NCAM1: variants seen among roughly 807,000 people sequenced by gnomAD.
NCAM1 encodes antigen recognized by monoclonal antibody 5.1H11.
NCAM1 carries 14 observed loss-of-function variants against 109.8 expected under a neutral mutation model. The ratio of observed to expected loss-of-function variants is 0.13; its 90% CI spans 0.08 to 0.20. The LOEUF (loss-of-function observed/expected upper bound fraction) is 0.20, where lower values mean the gene tolerates loss of function less well. NCAM1 is among the 10% of genes least tolerant of loss of function. The pLI, the probability that NCAM1 is intolerant of heterozygous loss-of-function variation, is 1.00. For missense variants in NCAM1, 774 were observed against 1,109.9 expected, an observed-to-expected ratio of 0.70 and a Z score of 4.30; for synonymous variants, 418 against 442.9, an observed-to-expected ratio of 0.94 and a Z score of 0.70.
At chr11:112,979,973 A>G (rs1475468191) in intron 1 of NCAM1, among the ~76,000 whole-genome samples, 1 of 151,932 alleles carries the variant, frequency 6.6e-6, no homozygotes, top group South Asian at 2.1e-4. Flanking sequence ...ACACCCCTTC[A>G]GGATGAAAAC....
At chr11:113,179,366 G>T (rs1343521912) in intron 1 of NCAM1, among the ~76,000 whole-genome samples, 2 of 152,186 alleles carry the variant, frequency 1.3e-5, no homozygotes, top group Non-Finnish European at 2.9e-5. Context: ...CATTTTCAGG[G>T]TTTGTTTAAG....
intron 1 of NCAM1, among the ~76,000 whole-genome samples, chr11:113,200,396 T>A (rs1555111632): frequency 6.6e-6 from 1 of 152,224 alleles, no homozygotes; most frequent in East Asian, 1.9e-4. Flanking sequence ...GATGGGCCCT[T>A]ATCAATTCAT....
chr11:112,991,530 T>C (rs1951457825), intron 1 of NCAM1, among the ~76,000 whole-genome samples: 2 of 151,606 alleles, frequency 1.3e-5, no homozygotes, highest in Non-Finnish European at 2.9e-5. Context: ...TGATTGGAGC[T>C]GGCAGGTATT....
chr11:113,159,857 T>G, intron 1 of NCAM1, among the ~76,000 whole-genome samples: 1 of 89,460 alleles, frequency 1.1e-5, no homozygotes, highest in East Asian at 4.0e-4. Flanking sequence ...CCCTCCCCCC[T>G]CCCCCCACCC....
intron 1 of NCAM1, among the ~76,000 whole-genome samples, chr11:113,022,076 C>T (rs1447745351): frequency 3.9e-5 from 6 of 152,076 alleles, no homozygotes; most frequent in Non-Finnish European, 8.8e-5. Flanking sequence ...GGTGTTAGTC[C>T]ACCCACCCTA....
At chr11:113,208,269 G>C (rs1944296704) in intron 7 of NCAM1, among the ~76,000 whole-genome samples, 1 of 152,138 alleles carries the variant, frequency 6.6e-6, no homozygotes, top group Admixed American at 6.5e-5. Context: ...AATGACCTAA[G>C]TACCACTCAT....
intron 1 of NCAM1, among the ~76,000 whole-genome samples, chr11:112,971,182 A>T (rs562001010): frequency 6.6e-6 from 1 of 151,688 alleles, no homozygotes; most frequent in Admixed American, 6.6e-5. Flanking sequence ...GGAAAAAGAG[A>T]GTGTGTTTTA....
At chr11:113,271,118 C>G (rs1176627408) in intron 18 of NCAM1, among the ~76,000 whole-genome samples, 4 of 151,804 alleles carry the variant, frequency 2.6e-5, no homozygotes, top group African/African-American at 9.7e-5. Context: ...GCCTGTAATC[C>G]CAGCACTTTG....
At chr11:113,227,248 A>G (rs1944878950) in intron 9 of NCAM1, among the ~76,000 whole-genome samples, 1 of 152,174 alleles carries the variant, frequency 6.6e-6, no homozygotes, top group Admixed American at 6.5e-5. Flanking sequence ...GATAAAGGGG[A>G]TATCACCACT....
At chr11:113,069,620 G>C (rs1555084895) in intron 1 of NCAM1, among the ~76,000 whole-genome samples, 1 of 152,174 alleles carries the variant, frequency 6.6e-6, no homozygotes, top group Non-Finnish European at 1.5e-5. Flanking sequence ...TTAGGAAAAA[G>C]AGGCAGGTGC....
intron 1 of NCAM1, among the ~76,000 whole-genome samples, chr11:112,995,493 T>G (rs1951568743): frequency 6.6e-6 from 1 of 152,212 alleles, no homozygotes; most frequent in South Asian, 2.1e-4. Context: ...AACAGTACTT[T>G]TTACACTATA....
At chr11:113,224,629 T>G (rs1337909274) in intron 9 of NCAM1, among the ~76,000 whole-genome samples, 8 of 152,190 alleles carry the variant, frequency 5.3e-5, no homozygotes, top group Non-Finnish European at 1.0e-4. Context: ...ACGGACAGAC[T>G]GCCTCCTCAA....
intron 1 of NCAM1, among the ~76,000 whole-genome samples, chr11:113,002,870 G>T (rs565931312): frequency 6.6e-6 from 1 of 152,286 alleles, no homozygotes; most frequent in Admixed American, 6.5e-5. Flanking sequence ...TTTACATACT[G>T]CTTTTAATAA....
intron 1 of NCAM1, among the ~76,000 whole-genome samples, chr11:113,043,208 G>A (rs781943146): frequency 1.4e-4 from 21 of 152,118 alleles, no homozygotes; most frequent in Non-Finnish European, 2.6e-4. Flanking sequence ...TTCATCCTGT[G>A]GGTGCCATGA....
chr11:113,192,204 C>A (rs1050852592), intron 1 of NCAM1, among the ~76,000 whole-genome samples: 13 of 152,254 alleles, frequency 8.5e-5, no homozygotes, highest in Admixed American at 1.3e-4. Context: ...AAGAAAACAT[C>A]GTCTGGAGCC....
At chr11:113,099,678 T>G (rs1476322229) in intron 1 of NCAM1, among the ~76,000 whole-genome samples, 1 of 152,164 alleles carries the variant, frequency 6.6e-6, no homozygotes, top group African/African-American at 2.4e-5. Flanking sequence ...GGGCTTTTTA[T>G]GTATTTATTT....
intron 17 of NCAM1, among the ~76,000 whole-genome samples, chr11:113,267,543 C>T (rs568371821): frequency 6.0e-4 from 91 of 152,120 alleles, no homozygotes; most frequent in African/African-American, 2.1e-3. Flanking sequence ...ATCATCAAGG[C>T]CCTAAAGCGG....
At chr11:113,132,076 G>A (rs1016439230) in intron 1 of NCAM1, among the ~76,000 whole-genome samples, 3 of 152,094 alleles carry the variant, frequency 2.0e-5, no homozygotes, top group Admixed American at 6.5e-5. Flanking sequence ...GTAAAGAAAC[G>A]CACATCCTCT....
chr11:113,042,225 C>T (rs2155645), intron 1 of NCAM1, among the ~76,000 whole-genome samples: 38,698 of 152,034 alleles, frequency 0.25, 5,219 homozygotes, highest in South Asian at 0.46. Flanking sequence ...TTTGTCCTTC[C>T]TTTCCTCACC....
Sources: gnomAD v4.1 joint callset for allele counts (sites outside exome capture counted in the v4.1 genomes callset) on GRCh38, gnomAD v4.1.1 for gene constraint, MANE v1.5 for transcripts, NCBI Gene and HGNC (gene_info 2026-07-23, HGNC 2026-07-21) for gene names.